Variants in MSRA observed in about 807,000 individuals in gnomAD.
The protein encoded by MSRA is mitochondrial peptide methionine sulfoxide reductase.
MSRA carries 54 observed loss-of-function variants against 31.3 expected under a neutral mutation model. That is an observed-to-expected ratio of 1.73 (90% CI 1.39 to 2.17). The LOEUF (loss-of-function observed/expected upper bound fraction) is 2.17. Ranked by LOEUF, MSRA falls within the 30% of genes most tolerant of loss-of-function variation. MSRA has a pLI of 0.00. For missense variants in MSRA, 507 were observed against 300.9 expected, an observed-to-expected ratio of 1.69 and a Z score of -5.07; for synonymous variants, 169 against 116.5, an observed-to-expected ratio of 1.45 and a Z score of -2.90.
chr8:10,080,660 G>A (rs1233080262), intron 1 of MSRA, among the ~76,000 whole-genome samples: 1 of 151,438 alleles, frequency 6.6e-6, no homozygotes, highest in Non-Finnish European at 1.5e-5. Flanking sequence ...TTAGTGGCTG[G>A]GACTGCAGGC....
chr8:10,405,728 A>G (rs925867186), intron 5 of MSRA, among the ~76,000 whole-genome samples: 17 of 151,162 alleles, frequency 1.1e-4, no homozygotes, highest in African/African-American at 2.0e-4. Context: ...CACACACACA[A>G]TCACACACGT....
chr8:10,353,482 C>T (rs550346536), intron 5 of MSRA: 153 of 36,326 alleles, frequency 4.2e-3, no homozygotes, highest in African/African-American at 5.7e-3. Flanking sequence ...TATTTGGTAC[C>T]GGAGGCCCGG....
In MSRA at chr8:10,145,945, C is replaced by T. The variant is rs149461305; in HGVS notation, c.143-61888C>T. Among the ~76,000 whole-genome samples the T allele has an allele frequency of 1.7e-3, 257 of 152,208 alleles. 2 individuals carry two copies. The highest frequency in any genetic ancestry group is 6.8e-3 in the Middle Eastern group (2 of 294). On this transcript the variant is annotated intron_variant, in intron 1 of 5. Coordinates refer to ENST00000317173, the MANE Select transcript of MSRA (RefSeq NM_012331.5). ...AAGGATTTGGTGTGGGTGGAGAGGA[C>T]GGGAGCGTGTCCTCCAATTTGAAAT...
At chr8:10,114,509 TATTA>T in intron 1 of MSRA, among the ~76,000 whole-genome samples, 1 of 152,158 alleles carries the variant, frequency 6.6e-6, no homozygotes, top group East Asian at 1.9e-4. Flanking sequence ...TTATTATTAT[TATTA>T]TTTTTTAAAT....
intron 2 of MSRA, among the ~76,000 whole-genome samples, chr8:10,237,146 A>C (rs760926307): frequency 1.3e-5 from 2 of 152,232 alleles, no homozygotes; most frequent in Non-Finnish European, 2.9e-5. Context: ...GGTTGGTCTC[A>C]TAACTAGGTT....
intron 1 of MSRA, among the ~76,000 whole-genome samples, chr8:10,098,325 T>A (rs553097610): frequency 6.6e-6 from 1 of 152,328 alleles, no homozygotes; most frequent in Non-Finnish European, 1.5e-5. Flanking sequence ...ATTTAACTGC[T>A]ACTTGATACG....
intron 1 of MSRA, among the ~76,000 whole-genome samples, chr8:10,194,415 A>C (rs1807796209): frequency 6.6e-6 from 1 of 152,112 alleles, no homozygotes. Context: ...AAAGTACAAA[A>C]ACTAGCCAGG....
At chr8:10,199,021 G>C (rs78560969) in intron 1 of MSRA, among the ~76,000 whole-genome samples, 4 of 152,148 alleles carry the variant, frequency 2.6e-5, no homozygotes, top group Middle Eastern at 3.2e-3. Context: ...TTGAGACTGA[G>C]CATCTATTGT....
At chr8:10,417,419 GAC>G (rs1184991397) in intron 5 of MSRA, among the ~76,000 whole-genome samples, 8 of 145,378 alleles carry the variant, frequency 5.5e-5, no homozygotes, top group African/African-American at 1.3e-4. Context: ...TTCGTCAGAA[GAC>G]ACACACACAC....
In MSRA at chr8:10,250,637, G is replaced by T. The variant is rs564206548; in HGVS notation, c.331+5414G>T. ...GCAGGCTGTTCAGCAGAGGTTTCGA[G>T]CAGGAGCCCAGGTGTGGGAAGAGCG... is the stretch of plus-strand genomic sequence containing the variant. On this transcript the variant is annotated intron_variant, in intron 3 of 5. Transcript: ENST00000317173. The T allele has an allele frequency of 1.5e-4, 93 of 607,998 alleles. No homozygotes were observed. In the South Asian group the frequency reaches 1.8e-3, roughly 11 times the overall value. 37.7% of individuals were successfully genotyped at this position (607,998 alleles called of 1,614,324 possible).
chr8:10,406,568 G>A (rs1161270185), intron 5 of MSRA, among the ~76,000 whole-genome samples: 1 of 152,132 alleles, frequency 6.6e-6, no homozygotes, highest in African/African-American at 2.4e-5. Flanking sequence ...CAGGAATGGG[G>A]GCCACAGAGT....
intron 2 of MSRA, among the ~76,000 whole-genome samples, chr8:10,218,249 C>G (rs148259564): frequency 0.024 from 3,577 of 151,836 alleles, 95 homozygotes; most frequent in East Asian, 0.13. Flanking sequence ...CAGGTTCAAG[C>G]GATTCTTTTC....
At position 10,256,142 on chromosome 8, in the gene MSRA, C is replaced by G. The variant is rs80125956; in HGVS notation, c.331+10919C>G. Among the ~76,000 whole-genome samples, 762 of 152,266 alleles carry G rather than the reference C, an allele frequency of 5.0e-3. 6 individuals carry two copies. Among genetic ancestry groups the G allele is most frequent in the African/African-American group, 0.017 (698 of 41,526 alleles). ...CAGCCTATTCAGCCCATCCTCCCCCCCCAACCCCTGGCAACTGCTGATCTT... is the reference window on the plus strand; with the variant it reads ...CAGCCTATTCAGCCCATCCTCCCCCGCCAACCCCTGGCAACTGCTGATCTT... On this transcript the variant is annotated intron_variant, in intron 3 of 5. Transcript: ENST00000317173.
chr8:10,148,662 G>C (rs1312382049), intron 1 of MSRA, among the ~76,000 whole-genome samples: 6 of 151,434 alleles, frequency 4.0e-5, no homozygotes, highest in African/African-American at 1.5e-4. Flanking sequence ...AAAAAAAACG[G>C]GAATTTAGTT....
intron 3 of MSRA, among the ~76,000 whole-genome samples, chr8:10,282,623 C>A (rs1044045098): frequency 3.3e-5 from 5 of 152,152 alleles, no homozygotes; most frequent in Non-Finnish European, 7.3e-5. Flanking sequence ...CTCGTCTGTT[C>A]TCTGATCAGT....
intron 5 of MSRA, among the ~76,000 whole-genome samples, chr8:10,388,010 A>G (rs1018503069): frequency 6.6e-6 from 1 of 152,278 alleles, no homozygotes; most frequent in African/African-American, 2.4e-5. Context: ...GAGGGGAAAA[A>G]AAGTTTGTTC....
intron 5 of MSRA, among the ~76,000 whole-genome samples, chr8:10,339,128 T>G (rs1803245488): frequency 6.6e-6 from 1 of 152,226 alleles, no homozygotes; most frequent in South Asian, 2.1e-4. Flanking sequence ...ATGAAAATTT[T>G]CATTGATCTC....
At chr8:10,140,530 C>T (rs1802611209) in intron 1 of MSRA, among the ~76,000 whole-genome samples, 2 of 152,158 alleles carry the variant, frequency 1.3e-5, no homozygotes, top group Admixed American at 6.5e-5. Flanking sequence ...ATAATAAATT[C>T]ACGTTTTAGC....
At chr8:10,251,619 A>G (rs1444521924) in intron 3 of MSRA, among the ~76,000 whole-genome samples, 2 of 152,192 alleles carry the variant, frequency 1.3e-5, no homozygotes, top group African/African-American at 4.8e-5. Context: ...AGCAGGCTTC[A>G]AGAGCAGAGA....
Sources: gnomAD v4.1 joint callset for allele counts (sites outside exome capture counted in the v4.1 genomes callset) on GRCh38, gnomAD v4.1.1 for gene constraint, MANE v1.5 for transcripts, NCBI Gene and HGNC (gene_info 2026-07-23, HGNC 2026-07-21) for gene names.